CDH2: variants seen among roughly 807,000 people sequenced by gnomAD.
The protein encoded by CDH2 is cadherin 2.
A neutral mutation model predicts 92.0 loss-of-function variants in CDH2; 17 were observed. The ratio of observed to expected loss-of-function variants is 0.18; its 90% CI spans 0.13 to 0.28. CDH2 has a LOEUF of 0.28. Among genes scored for constraint, CDH2 ranks in the 10% least tolerant of loss-of-function variants. CDH2 has a pLI of 1.00. For synonymous variants in CDH2, 419 were observed against 415.9 expected (o/e 1.01, Z -0.09); for missense variants, 862 against 1,133.1 (o/e 0.76, Z 3.44).
intron 1 of CDH2, among the ~76,000 whole-genome samples, chr18:28,170,598 G>T (rs1464659560): frequency 6.6e-6 from 1 of 152,070 alleles, no homozygotes; most frequent in Non-Finnish European, 1.5e-5. Context: ...ACCTGCCTTG[G>T]CCTCCCAAAG....
intron 14 of CDH2, among the ~76,000 whole-genome samples, chr18:27,979,316 GA>G (rs1240916548): frequency 6.6e-6 from 1 of 152,084 alleles, no homozygotes; most frequent in Non-Finnish European, 1.5e-5. Flanking sequence ...TTAAAAGACT[GA>G]AAAAAATCCA....
chr18:28,005,385 CATGCTTTCGCT>C (rs1366290215), intron 6 of CDH2, among the ~76,000 whole-genome samples: 1 of 152,146 alleles, frequency 6.6e-6, no homozygotes, highest in Non-Finnish European at 1.5e-5. Context: ...AAGCCCCTTC[CATGCTTTCGCT>C]ATGACTTCGC....
At chr18:28,167,046 T>C (rs2016396088) in intron 1 of CDH2, among the ~76,000 whole-genome samples, 1 of 152,038 alleles carries the variant, frequency 6.6e-6, no homozygotes, top group African/African-American at 2.4e-5. Context: ...AACAAAAAAC[T>C]GGGTAAAGCC....
intron 2 of CDH2, among the ~76,000 whole-genome samples, chr18:28,059,312 A>T (rs1158950796): frequency 6.6e-6 from 1 of 152,202 alleles, no homozygotes; most frequent in Non-Finnish European, 1.5e-5. Context: ...TCATACTCTC[A>T]CCTAAGTGAC....
intron 2 of CDH2, among the ~76,000 whole-genome samples, chr18:28,044,295 G>A (rs765716571): frequency 1.3e-4 from 20 of 152,168 alleles, no homozygotes; most frequent in Non-Finnish European, 2.8e-4. Flanking sequence ...TACCCTGGAG[G>A]TGGAATTCTA....
At chr18:27,957,811 T>C (rs2143869273) in intron 15 of CDH2, among the ~76,000 whole-genome samples, 1 of 152,312 alleles carries the variant, frequency 6.6e-6, no homozygotes, top group Non-Finnish European at 1.5e-5. Context: ...ATACTTACAT[T>C]ACAGTAGAAC....
chr18:28,027,327 T>A lies in CDH2; in HGVS notation c.173-13418A>T, dbSNP rs529116227. Among the ~76,000 whole-genome samples, 19 of 152,028 alleles carry A rather than the reference T, an allele frequency of 1.2e-4. No individual in the cohort carries two copies. In the East Asian group the frequency reaches 3.1e-3, roughly 25 times the overall value. The stretch of plus-strand genomic sequence containing the variant: ...GTAGGTTAAGTTCAAAAAAAAAAAT[T>A]TTCAAATTACTACAAGTATTGATAT... On this transcript the variant is annotated intron_variant, in intron 2 of 15. Transcript: ENST00000269141.
intron 6 of CDH2, among the ~76,000 whole-genome samples, chr18:28,003,903 G>T (rs938416668): frequency 6.6e-6 from 1 of 152,178 alleles, no homozygotes; most frequent in Non-Finnish European, 1.5e-5. Flanking sequence ...GTTTAGAGTG[G>T]TTTGTTCTGT....
At chr18:27,973,034 G>C (rs1330795544) in intron 14 of CDH2, among the ~76,000 whole-genome samples, 2 of 152,038 alleles carry the variant, frequency 1.3e-5, no homozygotes. Context: ...AAAGTGGAGG[G>C]GTAATGAGAG....
In CDH2 at chr18:28,139,901, C is replaced by T. The variant is rs143562417; in HGVS notation, c.172+7772G>A. ...CAACTCTGTAGCCAAGCCCTTTCCA[C>T]AGAACCCCAGACTCATATCCAAATG... On this transcript the variant is annotated intron_variant, in intron 2 of 15. Transcript: ENST00000269141. 2.0e-3 allele frequency among the ~76,000 whole-genome samples: 298 copies of T among 152,152 alleles called. 5 individuals carry two copies. Among genetic ancestry groups the T allele is most frequent in the African/African-American group, 6.9e-3 (287 of 41,548 alleles).
At position 27,982,941 on chromosome 18, in the gene CDH2, C is replaced by G. The variant is rs369071722; in HGVS notation, c.2349+3G>C. 1.9e-6 allele frequency: 3 copies of G among 1,589,230 alleles called. No individual in the cohort carries two copies. The highest frequency in any genetic ancestry group is 2.6e-6 in the Non-Finnish European group (3 of 1,164,564). The stretch of plus-strand genomic sequence containing the variant: ...ATTTTTAAAGATTTAAAGCACTGCT[C>G]ACCTGGTCTTCTTCTCCTCCACCTT... On this transcript the variant is annotated splice_donor_region_variant and intron_variant, in intron 14 of 15. Transcript: ENST00000269141.
At chr18:28,089,062 T>C (rs1047393972) in intron 2 of CDH2, among the ~76,000 whole-genome samples, 3 of 152,200 alleles carry the variant, frequency 2.0e-5, no homozygotes, top group South Asian at 2.1e-4. Flanking sequence ...CATAACTGAA[T>C]AGAAGTATAA....
chr18:28,029,715 A>C (rs1050327986), intron 2 of CDH2, among the ~76,000 whole-genome samples: 1 of 152,106 alleles, frequency 6.6e-6, no homozygotes, highest in African/African-American at 2.4e-5. Context: ...GGTATGCTCC[A>C]GCTCCACATC....
intron 14 of CDH2, among the ~76,000 whole-genome samples, chr18:27,967,584 T>C (rs757424151): frequency 2.8e-4 from 42 of 152,242 alleles, no homozygotes; most frequent in Non-Finnish European, 5.7e-4. Flanking sequence ...ACCTTTACAA[T>C]GTTAACTTCC....
rs771476674 is a variant in CDH2 at position 28,011,891 on chromosome 18, G to A, written c.501C>T (p.Asn167=). 13 of 1,614,092 alleles carry A rather than the reference G, an allele frequency of 8.1e-6. No individual in the cohort carries two copies. In the South Asian group the frequency reaches 1.3e-4, roughly 16 times the overall value. The stretch of plus-strand genomic sequence containing the variant: ...AAGGTCCCCTGGAGTTTTCTGGCAA[G>A]TTGATTGGAGGGATGACCCAGTCTC... The part of the protein sequence containing the change: ...QKRDWVIPPI[N]LPENSRGPFP... Residue 167 remains asparagine (N), a synonymous_variant, in exon 4 of 16, where the codon AAC becomes AAT. Transcript: ENST00000269141.
chr18:27,997,089 A>G (rs1196413755), intron 7 of CDH2, among the ~76,000 whole-genome samples: 3 of 152,266 alleles, frequency 2.0e-5, no homozygotes, highest in African/African-American at 7.2e-5. Flanking sequence ...ACAGTAAAAA[A>G]TAAACATGAT....
At chr18:27,977,083 C>T (rs1444137774) in intron 14 of CDH2, among the ~76,000 whole-genome samples, 4 of 152,116 alleles carry the variant, frequency 2.6e-5, no homozygotes, top group African/African-American at 7.2e-5. Flanking sequence ...ATTAAACATG[C>T]CTTACTAACC....
In CDH2 at chr18:28,024,192, T is replaced by C. The variant is rs150366794; in HGVS notation, c.173-10283A>G. 2.3e-3 allele frequency among the ~76,000 whole-genome samples: 345 copies of C among 152,276 alleles called. 3 individuals carry two copies. Among genetic ancestry groups the C allele is most frequent in the African/African-American group, 7.4e-3 (309 of 41,572 alleles). The stretch of plus-strand genomic sequence containing the variant: ...ATCACTTTTGCATGCAAATGAAATG[T>C]TTACTCCATGTGTGAGAATAATTAT... On this transcript the variant is annotated intron_variant, in intron 2 of 15. Transcript: ENST00000269141.
intron 2 of CDH2, among the ~76,000 whole-genome samples, chr18:28,096,890 C>T (rs181065034): frequency 2.8e-4 from 43 of 152,314 alleles, no homozygotes; most frequent in African/African-American, 9.6e-4. Flanking sequence ...AAGCATGCTC[C>T]GTACTTGAGC....
Sources: allele counts gnomAD v4.1 joint callset (sites outside exome capture counted in the v4.1 genomes callset), GRCh38; gene constraint gnomAD v4.1.1; transcripts MANE v1.5; gene names NCBI Gene and HGNC (gene_info 2026-07-23, HGNC 2026-07-21).